PKNOX2: variants seen among roughly 807,000 people sequenced by gnomAD.
The protein encoded by PKNOX2 is PBX/knotted 1 homeobox 2.
In PKNOX2, 14 loss-of-function variants were observed where a neutral mutation model predicts 53.1. That is an observed-to-expected ratio of 0.26 (90% CI 0.17 to 0.41). The LOEUF (loss-of-function observed/expected upper bound fraction) is 0.41, where lower values mean the gene tolerates loss of function less well. Among genes scored for constraint, PKNOX2 ranks in the 10% least tolerant of loss-of-function variants. PKNOX2 has a pLI of 1.00. For synonymous variants in PKNOX2, 257 were observed against 242.8 expected, an observed-to-expected ratio of 1.06 and a Z score of -0.54; for missense variants, 496 against 602.8, an observed-to-expected ratio of 0.82 and a Z score of 1.85.
At chr11:125,409,379 G>T (rs1336590753) in intron 7 of PKNOX2, among the ~76,000 whole-genome samples, 1 of 152,200 alleles carries the variant, frequency 6.6e-6, no homozygotes, top group Non-Finnish European at 1.5e-5. Context: ...GTTCCGTGCT[G>T]GTCGGCAGTG....
At chr11:125,266,267 T>A (rs1423865827) in intron 2 of PKNOX2, among the ~76,000 whole-genome samples, 1 of 152,144 alleles carries the variant, frequency 6.6e-6, no homozygotes, top group Non-Finnish European at 1.5e-5. Flanking sequence ...CTCAGACAAG[T>A]TAAGTCACTT....
At chr11:125,167,331 GCACGACC>G (rs1288322648) in intron 1 of PKNOX2, among the ~76,000 whole-genome samples, 2 of 152,198 alleles carry the variant, frequency 1.3e-5, no homozygotes, top group African/African-American at 4.8e-5. Flanking sequence ...CACGGAAGAC[GCACGACC>G]CACGACCCAC....
chr11:125,411,611 G>C lies in PKNOX2; in HGVS notation c.817-135G>C, dbSNP rs1436835893. 3 of 1,416,162 alleles carry C rather than the reference G, an allele frequency of 2.1e-6. No homozygotes were observed. The South Asian group carries it at 3.5e-5, about 17-fold the overall frequency. 87.7% of individuals were successfully genotyped at this position (1,416,162 alleles called of 1,614,324 possible). A position where few individuals can be genotyped will look rare whatever the true frequency, so the allele number is the denominator to read the frequency against. On this transcript the variant is annotated intron_variant, in intron 9 of 12. Transcript: ENST00000298282. ...GGGCTGGCATGGGCTGAGAGGGAAA[G>C]GTGACCTCCCCAGGGCCCTAGGAAT...
intron 2 of PKNOX2, among the ~76,000 whole-genome samples, chr11:125,274,714 C>T (rs888945993): frequency 6.6e-6 from 1 of 152,138 alleles, no homozygotes; most frequent in African/African-American, 2.4e-5. Flanking sequence ...CTCTTAGATG[C>T]TAAGCCTCCT....
chr11:125,360,162 A>G (rs1390463618), intron 4 of PKNOX2, among the ~76,000 whole-genome samples: 5 of 151,022 alleles, frequency 3.3e-5, no homozygotes, highest in African/African-American at 9.7e-5. Context: ...AAAAAAAAAG[A>G]AAAAGGAAAA....
At chr11:125,253,910 A>C (rs1944202354) in intron 2 of PKNOX2, among the ~76,000 whole-genome samples, 1 of 152,028 alleles carries the variant, frequency 6.6e-6, no homozygotes, top group Non-Finnish European at 1.5e-5. Context: ...GGTTGTCAGG[A>C]ACACACATCT....
At chr11:125,301,088 G>A (rs1948030878) in intron 2 of PKNOX2, among the ~76,000 whole-genome samples, 1 of 152,194 alleles carries the variant, frequency 6.6e-6, no homozygotes, top group African/African-American at 2.4e-5. Context: ...TACAAGTTGA[G>A]AATGTGAGCT....
intron 2 of PKNOX2, among the ~76,000 whole-genome samples, chr11:125,275,950 A>G (rs981731895): frequency 1.3e-5 from 2 of 152,180 alleles, no homozygotes; most frequent in Non-Finnish European, 2.9e-5. Flanking sequence ...GAGAGAAAGG[A>G]TGCAGAAAGG....
At chr11:125,244,559 C>A (rs1210472572) in intron 2 of PKNOX2, among the ~76,000 whole-genome samples, 1 of 152,228 alleles carries the variant, frequency 6.6e-6, no homozygotes, top group Non-Finnish European at 1.5e-5. Context: ...CCCACATTGC[C>A]CTCCCACTCC....
intron 2 of PKNOX2, among the ~76,000 whole-genome samples, chr11:125,311,806 C>T (rs1301862797): frequency 6.6e-6 from 1 of 152,138 alleles, no homozygotes; most frequent in Admixed American, 6.5e-5. Flanking sequence ...AGCACCTCCT[C>T]CAAGCCTATT....
At chr11:125,344,706 C>T (rs1763836497) in intron 3 of PKNOX2, among the ~76,000 whole-genome samples, 1 of 152,190 alleles carries the variant, frequency 6.6e-6, no homozygotes, top group African/African-American at 2.4e-5. Context: ...TCTTGGTTGT[C>T]ATCTTTGCCT....
At chr11:125,396,351 G>C (rs2135448102) in intron 6 of PKNOX2, among the ~76,000 whole-genome samples, 1 of 151,928 alleles carries the variant, frequency 6.6e-6, no homozygotes, top group East Asian at 1.9e-4. Flanking sequence ...ATAGTTTTCT[G>C]TCTTACATTT....
rs1565519884 is a variant in PKNOX2 at position 125,411,498 on chromosome 11, CTCTCTCTCTCT to C, written c.817-247_817-237del. The C allele has an allele frequency of 2.3e-4, 107 of 464,162 alleles. 1 individual carries two copies. Among genetic ancestry groups the C allele is most frequent in the South Asian group, 1.2e-3 (61 of 49,804 alleles). 28.8% of individuals were successfully genotyped at this position (464,162 alleles called of 1,614,324 possible). A position where few individuals can be genotyped will look rare whatever the true frequency, so the allele number is the denominator to read the frequency against. On this transcript the variant is annotated intron_variant, in intron 9 of 12. Coordinates refer to ENST00000298282, the MANE Select transcript of PKNOX2 (RefSeq NM_001382323.2). ...TCTCTCTCTCTCTCTCTCTCTCTCT[CTCTCTCTCTCT>C]CCCCCCCTTCCCCATCTCTTCCTCC...
rs1227068709 is a variant in PKNOX2, at chr11:125,240,788, GA to G, written c.-130+5674del. ...CTCCCAGTATCCTTGGCTGTGGGGG[GA>G]CTAGTGATGGTGTAGGGTCCCCTCC... On this transcript the variant is annotated intron_variant, in intron 2 of 12. Transcript: ENST00000298282. The surrounding 1 kb of genome is among the most constrained non-coding windows in gnomAD (Gnocchi z 4.3). Among the ~76,000 whole-genome samples the G allele has an allele frequency of 6.6e-6, 1 of 152,120 alleles. No individual in the cohort carries two copies. The highest frequency in any genetic ancestry group is 1.5e-5 in the Non-Finnish European group (1 of 68,018).
At chr11:125,297,527 C>T (rs1188442124) in intron 2 of PKNOX2, among the ~76,000 whole-genome samples, 1 of 152,168 alleles carries the variant, frequency 6.6e-6, no homozygotes, top group Admixed American at 6.5e-5. Flanking sequence ...TCAGAGAAGG[C>T]TTCCTGGAGG....
chr11:125,342,898 A>C (rs1950772905), intron 3 of PKNOX2, among the ~76,000 whole-genome samples: 1 of 151,956 alleles, frequency 6.6e-6, no homozygotes. Context: ...AAAAAAGGAA[A>C]ATAATTGAAT....
rs541243186 is a variant in PKNOX2 at position 125,378,228 on chromosome 11, G to C, written c.228-7323G>C. Among the ~76,000 whole-genome samples, 6 of 152,332 alleles carry C rather than the reference G, an allele frequency of 3.9e-5. No homozygotes were observed. In the East Asian group the frequency reaches 9.6e-4, roughly 24 times the overall value. On this transcript the variant is annotated intron_variant, in intron 5 of 12. Transcript: ENST00000298282. The stretch of plus-strand genomic sequence containing the variant: ...TTTAGCTACTTGACAACCACTCACT[G>C]TGTGCCGGTAGGGCATAGGTTGGTA...
chr11:125,192,183 C>T (rs1204126108), intron 1 of PKNOX2, among the ~76,000 whole-genome samples: 8 of 152,170 alleles, frequency 5.3e-5, no homozygotes, highest in African/African-American at 1.4e-4. Context: ...CTCTGAGTCT[C>T]GCTTTTTCTC....
At chr11:125,195,794 T>C (rs549840454) in intron 1 of PKNOX2, among the ~76,000 whole-genome samples, 4 of 152,102 alleles carry the variant, frequency 2.6e-5, no homozygotes, top group Admixed American at 2.6e-4. Context: ...AACACTGGTT[T>C]TGAATGTCAG....
Sources: gnomAD v4.1 joint callset for allele counts (sites outside exome capture counted in the v4.1 genomes callset) on GRCh38, gnomAD v4.1.1 for gene constraint, Gnocchi (gnomAD v3.1) non-coding constraint, MANE v1.5 for transcripts, NCBI Gene and HGNC (gene_info 2026-07-23, HGNC 2026-07-21) for gene names.